The following HAPLN1 variants were observed in gnomAD, a reference collection of about 807,000 sequenced individuals.
The protein encoded by HAPLN1 is Cartilage link protein.
In HAPLN1, 13 loss-of-function variants were observed where a neutral mutation model predicts 36.5. The observed-to-expected ratio is 0.36, with a 90% CI of 0.23 to 0.57. The LOEUF is 0.57. Among genes scored for constraint, HAPLN1 ranks in the 20% least tolerant of loss-of-function variants. The pLI, the probability that HAPLN1 is intolerant of heterozygous loss-of-function variation, is 0.83. For missense variants in HAPLN1, 407 were observed against 439.7 expected (o/e 0.93, Z 0.66); for synonymous variants, 202 against 169.8 (o/e 1.19, Z -1.48).
At chr5:83,661,106 T>G (rs1750373674) in intron 2 of HAPLN1, among the ~76,000 whole-genome samples, 1 of 152,160 alleles carries the variant, frequency 6.6e-6, no homozygotes, top group Non-Finnish European at 1.5e-5. Flanking sequence ...CTAGTGGTTC[T>G]TAGCAAGACA....
At chr5:83,648,106 T>C (rs562572560) in intron 3 of HAPLN1, among the ~76,000 whole-genome samples, 2 of 152,202 alleles carry the variant, frequency 1.3e-5, no homozygotes, top group African/African-American at 4.8e-5. Flanking sequence ...CCTAAATTCC[T>C]AGTGACACTC....
At chr5:83,652,135 T>C (rs1302378146) in intron 3 of HAPLN1, 2 of 335,660 alleles carry the variant, frequency 6.0e-6, no homozygotes, top group African/African-American at 2.1e-5. Context: ...ACAGTCTGAA[T>C]TTCTCAATAA....
chr5:83,699,208 T>C (rs1751454060), intron 1 of HAPLN1, among the ~76,000 whole-genome samples: 1 of 152,212 alleles, frequency 6.6e-6, no homozygotes, highest in African/African-American at 2.4e-5. Context: ...TTAAATGCAG[T>C]GTACTTTACC....
chr5:83,692,914 G>A (rs1333968091), intron 1 of HAPLN1, among the ~76,000 whole-genome samples: 1 of 151,816 alleles, frequency 6.6e-6, no homozygotes, highest in Non-Finnish European at 1.5e-5. Flanking sequence ...TTTACATGAA[G>A]TATAGTAGTC....
intron 2 of HAPLN1, among the ~76,000 whole-genome samples, chr5:83,656,327 CAAAAAAAAA>C (rs35902132): frequency 3.3e-5 from 2 of 59,804 alleles, no homozygotes; most frequent in Admixed American, 2.5e-4. Context: ...GACTACGTCT[CAAAAAAAAA>C]AAAAAAAAAA....
chr5:83,674,745 A>G (rs1750821266), intron 1 of HAPLN1: 1 of 152,162 alleles, frequency 6.6e-6, no homozygotes, highest in South Asian at 2.1e-4. Context: ...ATACTTATTA[A>G]AGAGCTCTGA....
chr5:83,708,750 T>G (rs1751707718), intron 1 of HAPLN1, among the ~76,000 whole-genome samples: 1 of 152,256 alleles, frequency 6.6e-6, no homozygotes, highest in Non-Finnish European at 1.5e-5. Flanking sequence ...AGTATTTTAC[T>G]TACATAGTAG....
intron 1 of HAPLN1, among the ~76,000 whole-genome samples, chr5:83,686,553 G>A (rs1751131936): frequency 6.6e-6 from 1 of 152,178 alleles, no homozygotes; most frequent in Non-Finnish European, 1.5e-5. Context: ...CTAAACTTCA[G>A]ATAGTATGTT....
intron 1 of HAPLN1, among the ~76,000 whole-genome samples, chr5:83,691,823 A>G (rs1751281828): frequency 6.6e-6 from 1 of 151,976 alleles, no homozygotes; most frequent in Non-Finnish European, 1.5e-5. Context: ...GATAGTAGAT[A>G]CGGATGATAG....
chr5:83,654,583 C>CACCAGTAT (rs1233920908), intron 2 of HAPLN1, among the ~76,000 whole-genome samples: 1 of 152,222 alleles, frequency 6.6e-6, no homozygotes, highest in Non-Finnish European at 1.5e-5. Context: ...AACATTTCCT[C>CACCAGTAT]ACCAGTATCT....
intron 1 of HAPLN1, among the ~76,000 whole-genome samples, chr5:83,711,279 A>G (rs1000364272): frequency 6.6e-6 from 1 of 152,182 alleles, no homozygotes; most frequent in Non-Finnish European, 1.5e-5. Context: ...TTTAAGAAAT[A>G]TGGTAGAACT....
chr5:83,676,645 T>C (rs971430274), intron 1 of HAPLN1, among the ~76,000 whole-genome samples: 1 of 152,206 alleles, frequency 6.6e-6, no homozygotes, highest in Non-Finnish European at 1.5e-5. Context: ...CCTGCTTGTT[T>C]GCATTTTGTA....
chr5:83,667,116 A>C (rs886911667), intron 2 of HAPLN1, among the ~76,000 whole-genome samples: 1 of 152,208 alleles, frequency 6.6e-6, no homozygotes, highest in Non-Finnish European at 1.5e-5. Context: ...CTACATAAGC[A>C]CCTAACACAT....
chr5:83,643,454 A>G (rs7704803), intron 4 of HAPLN1, among the ~76,000 whole-genome samples: 21,718 of 151,584 alleles, frequency 0.14, 4,929 homozygotes, highest in African/African-American at 0.48. Flanking sequence ...TAAATAATGG[A>G]GCCAGGGCTT....
At chr5:83,655,517 GGTGTGTGTGTGT>G (rs60890807) in intron 2 of HAPLN1, among the ~76,000 whole-genome samples, 1 of 147,774 alleles carries the variant, frequency 6.8e-6, no homozygotes, top group Non-Finnish European at 1.5e-5. Flanking sequence ...TTCACTTTGG[GGTGTGTGTGTGT>G]GTGTGTGTGT....
chr5:83,672,859 TG>T (rs1561311349), intron 2 of HAPLN1, among the ~76,000 whole-genome samples: 1 of 152,210 alleles, frequency 6.6e-6, no homozygotes, highest in East Asian at 1.9e-4. Flanking sequence ...TGCATTGTAC[TG>T]CAGCCTCAAA....
chr5:83,648,331 C>T (rs1466898718), intron 3 of HAPLN1, among the ~76,000 whole-genome samples: 1 of 144,154 alleles, frequency 6.9e-6, no homozygotes, highest in Non-Finnish European at 1.5e-5. Flanking sequence ...TAACAACTAA[C>T]AGCAAGGCAC....
intron 1 of HAPLN1, among the ~76,000 whole-genome samples, chr5:83,696,961 A>C (rs1751402206): frequency 6.6e-6 from 1 of 152,112 alleles, no homozygotes; most frequent in South Asian, 2.1e-4. Context: ...TACATTCCTC[A>C]AGTTGTGCAA....
chr5:83,678,220 G>GTGT (rs1554049527), intron 1 of HAPLN1, among the ~76,000 whole-genome samples: 28,168 of 142,524 alleles, frequency 0.2, 3,042 homozygotes, highest in Non-Finnish European at 0.26. Flanking sequence ...CTATAGTTTG[G>GTGT]GTGTGTGTGT....
Sources: gnomAD v4.1 joint callset for allele counts (sites outside exome capture counted in the v4.1 genomes callset) on GRCh38, gnomAD v4.1.1 for gene constraint, MANE v1.5 for transcripts, NCBI Gene and HGNC (gene_info 2026-07-23, HGNC 2026-07-21) for gene names.